The following MED31 variants were observed in gnomAD, a reference collection of about 807,000 sequenced individuals.
MED31 encodes mediator complex subunit 31.
Under a neutral mutation model 22.0 loss-of-function variants are expected in MED31, and 11 were observed. The ratio of observed to expected loss-of-function variants is 0.50; its 90% confidence interval spans 0.31 to 0.83. The LOEUF (loss-of-function observed/expected upper bound fraction) is 0.83. MED31 is among the 40% of genes least tolerant of loss of function. MED31 has a pLI of 0.04. For missense variants in MED31, 122 were observed against 155.3 expected (o/e 0.79, Z 1.14); for synonymous variants, 60 against 55.1 (o/e 1.09, Z -0.40).
intron 3 of MED31, among the ~76,000 whole-genome samples, chr17:6,646,878 C>T (rs572410336): frequency 5.9e-5 from 9 of 152,174 alleles, no homozygotes; most frequent in Non-Finnish European, 1.3e-4. Context: ...GTCTCCTGCT[C>T]GTCCCTGGGA....
At chr17:6,647,894 G>T (rs1179730709) in intron 3 of MED31, among the ~76,000 whole-genome samples, 1 of 152,196 alleles carries the variant, frequency 6.6e-6, no homozygotes, top group Non-Finnish European at 1.5e-5. Context: ...ATTTAGACAT[G>T]CAGTGATTAT....
intron 3 of MED31, among the ~76,000 whole-genome samples, chr17:6,644,935 C>G (rs544742348): frequency 6.6e-5 from 10 of 152,228 alleles, no homozygotes; most frequent in Admixed American, 4.6e-4. Flanking sequence ...AATTTAGGGA[C>G]AAACCATGCT....
At chr17:6,648,430 G>A (rs572139005) in intron 3 of MED31, among the ~76,000 whole-genome samples, 2 of 152,212 alleles carry the variant, frequency 1.3e-5, no homozygotes, top group Non-Finnish European at 2.9e-5. Flanking sequence ...TCTTCCACCA[G>A]GTGGAAAGCA....
chr17:6,650,474 A>C (rs1972819786), intron 1 of MED31, 41 bp from the exon 2 acceptor site: 2 of 1,566,266 alleles, frequency 1.3e-6, no homozygotes, highest in Non-Finnish European at 1.8e-6. Flanking sequence ...AACAAAGGTC[A>C]CTGTATATAA....
rs1052066422 is a variant in MED31, at chr17:6,643,873, A to G, written c.*594T>C. ...AGAGTCCAGTTAGTAACTAACCACTAGTTGTCCTGCCATGACTAGGTCAAG... is the reference window on the plus strand; with the variant it reads ...AGAGTCCAGTTAGTAACTAACCACTGGTTGTCCTGCCATGACTAGGTCAAG... On this transcript the variant is annotated 3_prime_UTR_variant, in exon 4 of 4. Transcript: ENST00000225728. The G allele has an allele frequency of 3.5e-5, 13 of 375,204 alleles. No individual in the cohort carries two copies. The highest frequency in any genetic ancestry group is 2.7e-4 in the African/African-American group (13 of 48,120). 23.2% of individuals were successfully genotyped at this position (375,204 alleles called of 1,614,324 possible). A position where few individuals can be genotyped will look rare whatever the true frequency, so the allele number is the denominator to read the frequency against.
At chr17:6,649,896 C>A in intron 3 of MED31, 86 bp downstream of exon 3, 2 of 1,291,060 alleles carry the variant, frequency 1.5e-6, no homozygotes, top group South Asian at 1.8e-5. Flanking sequence ...GGAGAGATTC[C>A]AAATACATTT....
intron 3 of MED31, among the ~76,000 whole-genome samples, chr17:6,648,799 A>G (rs529407516): frequency 1.3e-5 from 2 of 152,204 alleles, no homozygotes; most frequent in Non-Finnish European, 2.9e-5. Flanking sequence ...CTGGCTAACA[A>G]TCGAATCAGC....
chr17:6,649,928 A>G, intron 3 of MED31, 54 bp downstream of exon 3: 1 of 1,439,096 alleles, frequency 6.9e-7, no homozygotes. Flanking sequence ...AAACTAAGAA[A>G]TCTATTATAT....
intron 1 of MED31, chr17:6,651,294 G>A: frequency 4.6e-6 from 3 of 654,106 alleles, no homozygotes; most frequent in Non-Finnish European, 5.0e-6. Context: ...GTGGGGTGGT[G>A]TCTGAATAGC....
chr17:6,649,215 G>C (rs1295263743), intron 3 of MED31, among the ~76,000 whole-genome samples: 1 of 19,428 alleles, frequency 5.1e-5, no homozygotes, highest in South Asian at 1.3e-3. Context: ...GGTTTTTTTT[G>C]TTTTTTTTGT....
At chr17:6,651,418 G>A (rs1451016720) in intron 1 of MED31, 83 bp downstream of exon 1, 6 of 1,556,790 alleles carry the variant, frequency 3.9e-6, no homozygotes, top group East Asian at 2.2e-5. Flanking sequence ...CCAAGAGTAA[G>A]GCCTGGAAGG....
At chr17:6,648,660 A>C (rs1257068421) in intron 3 of MED31, among the ~76,000 whole-genome samples, 2 of 152,256 alleles carry the variant, frequency 1.3e-5, no homozygotes, top group Non-Finnish European at 2.9e-5. Context: ...GTCTCTCTTG[A>C]ATGTAAATAT....
Position 6,644,436 on chromosome 17 carries a change from T to C in MED31, c.*31A>G. The stretch of plus-strand genomic sequence containing the variant: ...GTACAAAAGAAATACATTATATACA[T>C]GTATTAAGTGCCTCGTTTGTATCCA... On this transcript the variant is annotated 3_prime_UTR_variant, in exon 4 of 4. Coordinates refer to ENST00000225728, the MANE Select transcript of MED31 (RefSeq NM_016060.3). 1 of 1,552,788 alleles carries C rather than the reference T, an allele frequency of 6.4e-7. No homozygotes were observed. Among genetic ancestry groups the C allele is most frequent in the Non-Finnish European group, 8.7e-7 (1 of 1,153,672 alleles).
Position 6,643,896 on chromosome 17 carries a change from A to G in MED31, c.*571T>C. ...CTAGTTGTCCTGCCATGACTAGGTC[A>G]AGTGAGGCCACAGTGATTCAGTGAT... On this transcript the variant is annotated 3_prime_UTR_variant, in exon 4 of 4. Coordinates refer to ENST00000225728, the MANE Select transcript of MED31 (RefSeq NM_016060.3). The G allele has an allele frequency of 2.6e-6, 1 of 385,654 alleles. No individual in the cohort carries two copies. The highest frequency in any genetic ancestry group is 4.6e-6 in the Non-Finnish European group (1 of 218,132). The allele number at this position is 385,654 out of a possible 1,614,324, so 23.9% of individuals were successfully genotyped here.
chr17:6,647,112 G>A (rs531401252), intron 3 of MED31, among the ~76,000 whole-genome samples: 22 of 152,240 alleles, frequency 1.4e-4, no homozygotes, highest in Non-Finnish European at 1.3e-4. Flanking sequence ...CTTTGCTCAC[G>A]TTTCCCTGCT....
rs766472605 is a variant in MED31, at chr17:6,644,610, G to A, written c.253C>T (p.Arg85Ter). 6 of 1,612,152 alleles carry A rather than the reference G, an allele frequency of 3.7e-6. No homozygotes were observed. The Admixed American group carries it at 5.1e-5, about 14-fold the overall frequency. Residue 85 changes from arginine to a stop codon, truncating the protein, a stop_gained, in exon 4 of 4, where the codon CGA (arginine) becomes TGA (stop). Transcript: ENST00000225728. LOFTEE classifies it high-confidence loss of function. ...MLELLQYEHF[R>*]KELVNAQCAK... ...CACTGAGCATTCACCAGCTCCTTTC[G>A]GAAGTGTTCATATTGGAGCAGCTCT...
chr17:6,648,830 G>C (rs746425887), intron 3 of MED31, among the ~76,000 whole-genome samples: 4 of 152,130 alleles, frequency 2.6e-5, no homozygotes, highest in Admixed American at 2.6e-4. Context: ...AGAGTAACAC[G>C]GGCTCAATGG....
In MED31 at chr17:6,644,556, G is replaced by A. The variant is rs149130898; in HGVS notation, c.307C>T (p.Leu103=). The change falls in exon 4 of 4, where the codon CTA becomes TTA. Residue 103 remains leucine, a synonymous_variant. Transcript: ENST00000225728. ...CAKFIDEQQI[L]HWQHYSRKRM... ...TTCCGGGAATAGTGCTGCCAATGTA[G>A]AATCTGCTGTTCATCAATAAATTTC... 1.9e-6 allele frequency: 3 copies of A among 1,613,862 alleles called. No homozygotes were observed. Among genetic ancestry groups the A allele is most frequent in the African/African-American group, 2.7e-5 (2 of 74,918 alleles).
rs1972729047 is a variant in MED31, at chr17:6,643,908, A to G, written c.*559T>C. On this transcript the variant is annotated 3_prime_UTR_variant, in exon 4 of 4. Coordinates refer to ENST00000225728, the MANE Select transcript of MED31 (RefSeq NM_016060.3). ...CCATGACTAGGTCAAGTGAGGCCAC[A>G]GTGATTCAGTGATTCTTAAAGCCAC... 5.1e-6 allele frequency: 2 copies of G among 388,502 alleles called. No homozygotes were observed. The highest frequency in any genetic ancestry group is 4.5e-5 in the Admixed American group (1 of 22,422). 24.1% of individuals were successfully genotyped at this position (388,502 alleles called of 1,614,324 possible). A position where few individuals can be genotyped will look rare whatever the true frequency, so the allele number is the denominator to read the frequency against.
Sources: allele counts gnomAD v4.1 joint callset (sites outside exome capture counted in the v4.1 genomes callset), GRCh38; gene constraint gnomAD v4.1.1; transcripts MANE v1.5; gene names NCBI Gene and HGNC (gene_info 2026-07-23, HGNC 2026-07-21).